The following GRID2 variants were observed in gnomAD, a reference collection of about 807,000 sequenced individuals.
GRID2 encodes glutamate ionotropic receptor delta type subunit 2.
In GRID2, 33 loss-of-function variants were observed where a neutral mutation model predicts 114.8. The ratio of observed to expected loss-of-function variants is 0.29; its 90% CI spans 0.22 to 0.38. GRID2 has a LOEUF of 0.38. Ranked by LOEUF, GRID2 falls within the 10% of genes least tolerant of loss-of-function variation. The probability of loss-of-function intolerance (pLI) is 1.00; values close to 1 mark genes in which losing one functional copy is unlikely to be tolerated. For missense variants in GRID2, 1,184 were observed against 1,257.7 expected (o/e 0.94, Z 0.89); for synonymous variants, 505 against 449.9 (o/e 1.12, Z -1.55).
intron 11 of GRID2, among the ~76,000 whole-genome samples, chr4:93,484,961 T>C (rs555736144): frequency 1.5e-4 from 23 of 152,024 alleles, no homozygotes; most frequent in African/African-American, 5.5e-4. Flanking sequence ...GAAATTTCTG[T>C]ATTCTAAGAT....
chr4:93,283,265 A>G (rs1361878102), intron 8 of GRID2, among the ~76,000 whole-genome samples: 1 of 152,052 alleles, frequency 6.6e-6, no homozygotes, highest in Non-Finnish European at 1.5e-5. Context: ...TATTAATGTA[A>G]TCATATATGA....
intron 2 of GRID2, among the ~76,000 whole-genome samples, chr4:92,621,238 C>T (rs1237586366): frequency 2.0e-5 from 3 of 151,574 alleles, no homozygotes; most frequent in Non-Finnish European, 2.9e-5. Flanking sequence ...GAATATAGGT[C>T]TCAGGACACA....
chr4:93,098,060 G>A (rs2149336841), intron 3 of GRID2, among the ~76,000 whole-genome samples: 1 of 152,040 alleles, frequency 6.6e-6, no homozygotes, highest in Non-Finnish European at 1.5e-5. Context: ...CTCTCTGTAT[G>A]AGAAGATAAG....
rs575962963 is a variant in GRID2, at chr4:93,251,888, G to A, written c.1245+13398G>A. ...ATTCCATTGTGTATATGTACCACATGGGCATTTAGGTTGATTCCATGTCCT... is the reference window on the plus strand; with the variant it reads ...ATTCCATTGTGTATATGTACCACATAGGCATTTAGGTTGATTCCATGTCCT... On this transcript the variant is annotated intron_variant, in intron 8 of 15. Transcript: ENST00000282020. Among the ~76,000 whole-genome samples, 4 of 151,834 alleles carry A rather than the reference G, an allele frequency of 2.6e-5. No homozygotes were observed. The South Asian group carries it at 8.3e-4, about 31-fold the overall frequency.
At chr4:93,132,799 C>T (rs1224592850) in intron 4 of GRID2, among the ~76,000 whole-genome samples, 2 of 152,068 alleles carry the variant, frequency 1.3e-5, no homozygotes, top group East Asian at 1.9e-4. Context: ...GAAAAGTGCT[C>T]GATGTGCTTC....
At chr4:93,765,521 C>T (rs1733581012) in intron 14 of GRID2, among the ~76,000 whole-genome samples, 1 of 151,530 alleles carries the variant, frequency 6.6e-6, no homozygotes, top group Admixed American at 6.6e-5. Flanking sequence ...TATCGCTCAG[C>T]TGGCTGAACC....
At chr4:92,427,478 A>T (rs1050980968) in intron 1 of GRID2, among the ~76,000 whole-genome samples, 5 of 152,224 alleles carry the variant, frequency 3.3e-5, no homozygotes, top group Non-Finnish European at 5.9e-5. Context: ...CTGTATTTTC[A>T]GTCCATCTCA....
At chr4:92,673,185 T>C (rs1340763850) in intron 2 of GRID2, among the ~76,000 whole-genome samples, 1 of 152,106 alleles carries the variant, frequency 6.6e-6, no homozygotes, top group East Asian at 1.9e-4. Context: ...TTATTTTATA[T>C]ATATATATTT....
At chr4:93,328,707 T>TTGGATGGA (rs34951218) in intron 8 of GRID2, among the ~76,000 whole-genome samples, 4,183 of 149,794 alleles carry the variant, frequency 0.028, 73 homozygotes, top group South Asian at 0.07. Flanking sequence ...GGATGGATGG[T>TTGGATGGA]TGGATGGATG....
At chr4:92,596,216 G>T (rs2149215660) in intron 2 of GRID2, among the ~76,000 whole-genome samples, 1 of 145,102 alleles carries the variant, frequency 6.9e-6, no homozygotes, top group Admixed American at 7.2e-5. Context: ...ATGTGGGTAT[G>T]ATTCTATTCA....
chr4:92,354,207 T>G (rs188969089), intron 1 of GRID2, among the ~76,000 whole-genome samples: 1 of 152,102 alleles, frequency 6.6e-6, no homozygotes, highest in East Asian at 1.9e-4. Context: ...CAACCATCAA[T>G]GAGTGGGGCG....
chr4:92,485,341 TATATATA>T lies in GRID2; in HGVS notation c.89-104789_89-104783del, dbSNP rs1209555835. ...ATATATATATATATATATATATATA[TATATATA>T]GTGTGTGTGTGTGTGTGTGTGAGTG... On this transcript the variant is annotated intron_variant, in intron 1 of 15. Transcript: ENST00000282020. 8.0e-3 allele frequency among the ~76,000 whole-genome samples: 594 copies of T among 74,232 alleles called. 2 individuals are homozygous for T. The highest frequency in any genetic ancestry group is 0.013 in the Non-Finnish European group (440 of 34,678). The allele number at this position is 74,232 out of a possible 152,430, so 48.7% of individuals were successfully genotyped here.
At chr4:92,806,855 A>T (rs144701098) in intron 2 of GRID2, among the ~76,000 whole-genome samples, 1 of 152,010 alleles carries the variant, frequency 6.6e-6, no homozygotes, top group Non-Finnish European at 1.5e-5. Context: ...TGAAGGTTAT[A>T]TAATATTTAG....
chr4:92,424,914 T>TA (rs1231286161), intron 1 of GRID2, among the ~76,000 whole-genome samples: 1 of 151,960 alleles, frequency 6.6e-6, no homozygotes, highest in Non-Finnish European at 1.5e-5. Context: ...TTTACTAGGA[T>TA]AAAATAATTT....
intron 2 of GRID2, among the ~76,000 whole-genome samples, chr4:92,753,848 A>G: frequency 6.6e-6 from 1 of 152,306 alleles, no homozygotes. Context: ...AAGTAAAAAT[A>G]AGACTATAAG....
At chr4:92,460,063 A>T (rs1426100949) in intron 1 of GRID2, among the ~76,000 whole-genome samples, 4 of 25,178 alleles carry the variant, frequency 1.6e-4, no homozygotes, top group African/African-American at 1.8e-4. Context: ...TACACACACA[A>T]CTTTTTGGTT....
chr4:92,573,541 G>T (rs892675125), intron 1 of GRID2, among the ~76,000 whole-genome samples: 15 of 151,868 alleles, frequency 9.9e-5, no homozygotes, highest in Admixed American at 5.9e-4. Context: ...CAAAGAACTT[G>T]TTTGTTTCTA....
chr4:92,604,696 T>A (rs1021207501), intron 2 of GRID2, among the ~76,000 whole-genome samples: 36 of 152,060 alleles, frequency 2.4e-4, no homozygotes, highest in African/African-American at 8.4e-4. Context: ...AATAAAATAT[T>A]TTTTAATCCT....
intron 2 of GRID2, among the ~76,000 whole-genome samples, chr4:92,974,543 T>C (rs1753730470): frequency 6.6e-6 from 1 of 152,080 alleles, no homozygotes; most frequent in South Asian, 2.1e-4. Context: ...TGCAGGGACA[T>C]GGATGAAGCT....
Sources: allele counts gnomAD v4.1 joint callset (sites outside exome capture counted in the v4.1 genomes callset), GRCh38; gene constraint gnomAD v4.1.1; transcripts MANE v1.5; gene names NCBI Gene and HGNC (gene_info 2026-07-23, HGNC 2026-07-21).